Variants in HAPLN1 observed in about 807,000 individuals in gnomAD.
HAPLN1 encodes the protein Cartilage link protein.
A neutral mutation model predicts 36.5 loss-of-function variants in HAPLN1; 13 were observed. The observed-to-expected ratio is 0.36, with a 90% CI of 0.23 to 0.57. HAPLN1 has a LOEUF of 0.57. Among genes scored for constraint, HAPLN1 ranks in the 20% least tolerant of loss-of-function variants. The probability of loss-of-function intolerance (pLI) is 0.83; values close to 1 mark genes in which losing one functional copy is unlikely to be tolerated. For missense variants in HAPLN1, 407 were observed against 439.7 expected, an observed-to-expected ratio of 0.93 and a Z score of 0.66; for synonymous variants, 202 against 169.8, an observed-to-expected ratio of 1.19 and a Z score of -1.48.
chr5:83,718,826 A>G (rs1470964311), intron 1 of HAPLN1, among the ~76,000 whole-genome samples: 1 of 152,244 alleles, frequency 6.6e-6, no homozygotes, highest in Admixed American at 6.5e-5. Context: ...GCAAAAAGAA[A>G]TGAAAAAGAA....
intron 1 of HAPLN1, among the ~76,000 whole-genome samples, chr5:83,678,044 TC>T (rs1750899949): frequency 6.6e-6 from 1 of 152,116 alleles, no homozygotes; most frequent in Admixed American, 6.6e-5. Flanking sequence ...CCCTCAGTGA[TC>T]CTGATGCATG....
intron 2 of HAPLN1, among the ~76,000 whole-genome samples, chr5:83,661,506 G>A (rs113156846): frequency 1.4e-5 from 2 of 138,648 alleles, no homozygotes; most frequent in African/African-American, 2.7e-5. Context: ...GTGCAGTGGC[G>A]CGATCTCAGC....
intron 1 of HAPLN1, among the ~76,000 whole-genome samples, chr5:83,683,340 A>G (rs1466691361): frequency 6.6e-6 from 1 of 152,190 alleles, no homozygotes; most frequent in African/African-American, 2.4e-5. Context: ...TTTGTGAAGT[A>G]TTATGGTAGT....
chr5:83,708,753 C>T (rs1409005341), intron 1 of HAPLN1, among the ~76,000 whole-genome samples: 1 of 152,192 alleles, frequency 6.6e-6, no homozygotes, highest in African/African-American at 2.4e-5. Flanking sequence ...ATTTTACTTA[C>T]ATAGTAGATA....
At chr5:83,668,455 G>A (rs1674233110) in intron 2 of HAPLN1, among the ~76,000 whole-genome samples, 1 of 152,176 alleles carries the variant, frequency 6.6e-6, no homozygotes, top group African/African-American at 2.4e-5. Context: ...CTTCATTCGC[G>A]AATTGGAAGA....
intron 3 of HAPLN1, among the ~76,000 whole-genome samples, chr5:83,648,301 A>G (rs1389859398): frequency 6.8e-6 from 1 of 147,524 alleles, no homozygotes; most frequent in Non-Finnish European, 1.5e-5. Flanking sequence ...TTTTGTCAGT[A>G]TGGTTATATG....
intron 1 of HAPLN1, among the ~76,000 whole-genome samples, chr5:83,673,948 C>G (rs1392205902): frequency 6.6e-6 from 1 of 152,186 alleles, no homozygotes; most frequent in African/African-American, 2.4e-5. Flanking sequence ...ATGAGTATCA[C>G]TTGGTCTAAT....
At chr5:83,681,465 C>T (rs932790817) in intron 1 of HAPLN1, among the ~76,000 whole-genome samples, 24 of 152,050 alleles carry the variant, frequency 1.6e-4, no homozygotes, top group African/African-American at 5.8e-4. Flanking sequence ...AATAAAACAA[C>T]TCTCATTTAA....
chr5:83,642,769 G>A (rs950999626), intron 4 of HAPLN1, among the ~76,000 whole-genome samples: 1 of 152,160 alleles, frequency 6.6e-6, no homozygotes, highest in Non-Finnish European at 1.5e-5. Flanking sequence ...TTTGGAGAAA[G>A]GGTAGTGGCC....
chr5:83,649,695 C>G (rs1749996914), intron 3 of HAPLN1, among the ~76,000 whole-genome samples: 1 of 152,150 alleles, frequency 6.6e-6, no homozygotes, highest in Non-Finnish European at 1.5e-5. Context: ...GTGATCAACC[C>G]GCCTTGGCTT....
chr5:83,700,717 G>A (rs1751489596), intron 1 of HAPLN1, among the ~76,000 whole-genome samples: 1 of 150,482 alleles, frequency 6.6e-6, no homozygotes, highest in African/African-American at 2.5e-5. Flanking sequence ...ACTAAGCTAG[G>A]TTTCAATTTT....
rs1751617606 is a variant in HAPLN1, at chr5:83,705,400, A to AG, written c.-27+15388_-27+15389insC. Among the ~76,000 whole-genome samples the AG allele has an allele frequency of 2.6e-5, 4 of 151,734 alleles. No homozygotes were observed. In the South Asian group the frequency reaches 8.3e-4, roughly 31 times the overall value. On this transcript the variant is annotated intron_variant, in intron 1 of 4. Transcript: ENST00000274341. The stretch of plus-strand genomic sequence containing the variant: ...AGTGAAACGTCACAAAAAAAAAAAA[A>AG]AAAAAAAAAGAAAGAAAGAAAATTG...
At chr5:83,648,272 G>A (rs1227493161) in intron 3 of HAPLN1, among the ~76,000 whole-genome samples, 3 of 150,722 alleles carry the variant, frequency 2.0e-5, no homozygotes, top group East Asian at 3.9e-4. Context: ...AGTCTTTGTT[G>A]AGGATTTACA....
chr5:83,650,744 C>T (rs1479549047), intron 3 of HAPLN1, among the ~76,000 whole-genome samples: 3 of 149,216 alleles, frequency 2.0e-5, no homozygotes, highest in East Asian at 4.0e-4. Context: ...ACGCCATTTT[C>T]CTGCCTCAGC....
chr5:83,668,098 T>A (rs541691263), intron 2 of HAPLN1, among the ~76,000 whole-genome samples: 1 of 152,340 alleles, frequency 6.6e-6, no homozygotes, highest in South Asian at 2.1e-4. Context: ...AGCAAACATG[T>A]ATTGATCACC....
At chr5:83,695,378 G>A (rs1031844557) in intron 1 of HAPLN1, among the ~76,000 whole-genome samples, 24 of 151,610 alleles carry the variant, frequency 1.6e-4, no homozygotes, top group Non-Finnish European at 3.2e-4. Flanking sequence ...TACCTGCCTC[G>A]GCCTCCCAAA....
chr5:83,640,278 C>G lies in HAPLN1; in HGVS notation c.*1218G>C, dbSNP rs971089884. The stretch of plus-strand genomic sequence containing the variant: ...GCTGGACTTAACCTTTTATTTAAAG[C>G]CCTGAAGATTTTAGTGTAAACTCTT... On this transcript the variant is annotated 3_prime_UTR_variant, in exon 5 of 5. Transcript: ENST00000274341. 1 of 152,048 alleles carries G rather than the reference C, an allele frequency of 6.6e-6. No individual in the cohort carries two copies. Among genetic ancestry groups the G allele is most frequent in the African/African-American group, 2.4e-5 (1 of 41,386 alleles). The allele number at this position is 152,048 out of a possible 1,614,324, so 9.4% of individuals were successfully genotyped here.
chr5:83,664,635 G>A (rs1042276320), intron 2 of HAPLN1, among the ~76,000 whole-genome samples: 24 of 151,896 alleles, frequency 1.6e-4, no homozygotes, highest in Non-Finnish European at 1.6e-4. Context: ...TGCTCCCCTC[G>A]GCCTCCCAAA....
chr5:83,668,215 A>G (rs1420182434), intron 2 of HAPLN1, among the ~76,000 whole-genome samples: 1 of 152,174 alleles, frequency 6.6e-6, no homozygotes, highest in Non-Finnish European at 1.5e-5. Context: ...ATGACAAACA[A>G]TTACATAAAA....
Sources: gnomAD v4.1 joint callset for allele counts (sites outside exome capture counted in the v4.1 genomes callset) on GRCh38, gnomAD v4.1.1 for gene constraint, MANE v1.5 for transcripts, NCBI Gene and HGNC (gene_info 2026-07-23, HGNC 2026-07-21) for gene names.